CDH13: variants seen among roughly 807,000 people sequenced by gnomAD.
CDH13 encodes the protein cadherin-13.
A neutral mutation model predicts 63.8 loss-of-function variants in CDH13; 24 were observed. The ratio of observed to expected loss-of-function variants is 0.38; its 90% CI spans 0.27 to 0.53. The LOEUF (loss-of-function observed/expected upper bound fraction) is 0.53, where lower values mean the gene tolerates loss of function less well. Among genes scored for constraint, CDH13 ranks in the 20% least tolerant of loss-of-function variants. The probability of loss-of-function intolerance (pLI) is 0.85; values close to 1 mark genes in which losing one functional copy is unlikely to be tolerated. For synonymous variants in CDH13, 503 were observed against 355.3 expected, an observed-to-expected ratio of 1.42 and a Z score of -4.67; for missense variants, 1,049 against 903.1, an observed-to-expected ratio of 1.16 and a Z score of -2.07.
intron 6 of CDH13, among the ~76,000 whole-genome samples, chr16:83,384,989 C>G (rs75889614): frequency 6.6e-6 from 1 of 152,138 alleles, no homozygotes; most frequent in East Asian, 1.9e-4. Flanking sequence ...CTCTCCTGGC[C>G]CTCTTTCAAA....
At chr16:83,776,581 T>TA (rs1285249984) in intron 11 of CDH13, among the ~76,000 whole-genome samples, 1 of 152,228 alleles carries the variant, frequency 6.6e-6, no homozygotes, top group Non-Finnish European at 1.5e-5. Flanking sequence ...CCAGCCCCGC[T>TA]AAAGAGTATC....
intron 6 of CDH13, among the ~76,000 whole-genome samples, chr16:83,427,680 C>T (rs1433155403): frequency 1.3e-5 from 2 of 152,126 alleles, no homozygotes; most frequent in African/African-American, 4.8e-5. Context: ...CTTGTGCCTT[C>T]AGGATTCTCC....
chr16:83,010,263 C>G (rs1390436460), intron 2 of CDH13, among the ~76,000 whole-genome samples: 1 of 151,660 alleles, frequency 6.6e-6, no homozygotes, highest in Non-Finnish European at 1.5e-5. Context: ...AATCCTTGGT[C>G]CACGCCAATC....
In CDH13 at chr16:83,356,746, A is replaced by C. The variant is rs139346362; in HGVS notation, c.781+11740A>C. 6.6e-3 allele frequency among the ~76,000 whole-genome samples: 1,000 copies of C among 152,298 alleles called. 10 individuals are homozygous for C. The highest frequency in any genetic ancestry group is 0.023 in the African/African-American group (958 of 41,558). ...AGTTCAATGGGAAGAGGGTATATAA[A>C]ATCCCTTTCAAGTATATGTCTTATA... is the stretch of plus-strand genomic sequence containing the variant. On this transcript the variant is annotated intron_variant, in intron 6 of 13. Transcript: ENST00000567109.
chr16:83,747,848 G>A (rs1335361336), intron 10 of CDH13, among the ~76,000 whole-genome samples: 3 of 151,376 alleles, frequency 2.0e-5, no homozygotes, highest in Non-Finnish European at 4.4e-5. Flanking sequence ...GTGAGAGCTT[G>A]GCAGATGGCA....
chr16:82,969,350 G>A lies in CDH13; in HGVS notation c.158-62660G>A, dbSNP rs906317415. On this transcript the variant is annotated intron_variant, in intron 2 of 13. Transcript: ENST00000567109. Reference sequence around the variant, plus strand: ...TAGAACTTTATTCATATAAATAGACGTGGGGCTGAATTTTACCCTAGGGCT... The same window carrying A: ...TAGAACTTTATTCATATAAATAGACATGGGGCTGAATTTTACCCTAGGGCT... 5.3e-5 allele frequency among the ~76,000 whole-genome samples: 8 copies of A among 152,082 alleles called. 1 individual carries two copies. The highest frequency in any genetic ancestry group is 3.3e-4 in the Admixed American group (5 of 15,296).
chr16:83,284,060 T>C (rs2089249448), intron 5 of CDH13, among the ~76,000 whole-genome samples: 1 of 152,222 alleles, frequency 6.6e-6, no homozygotes, highest in Non-Finnish European at 1.5e-5. Flanking sequence ...CAAGCCCCTG[T>C]AGTCTGTGTG....
At chr16:83,495,634 C>T (rs1417204657) in intron 7 of CDH13, among the ~76,000 whole-genome samples, 1 of 152,104 alleles carries the variant, frequency 6.6e-6, no homozygotes, top group Non-Finnish European at 1.5e-5. Flanking sequence ...GGCAAAGAAA[C>T]ATATTTGGGG....
At chr16:82,833,355 G>T (rs2047939128) in intron 1 of CDH13, among the ~76,000 whole-genome samples, 1 of 152,164 alleles carries the variant, frequency 6.6e-6, no homozygotes, top group Non-Finnish European at 1.5e-5. Flanking sequence ...CAGCTCTTAT[G>T]GAAAAGAAAG....
intron 1 of CDH13, among the ~76,000 whole-genome samples, chr16:82,751,689 C>G (rs1485973705): frequency 7.1e-6 from 1 of 140,366 alleles, no homozygotes; most frequent in African/African-American, 2.8e-5. Flanking sequence ...GAGAGAAAGA[C>G]CATGGAAAAC....
At chr16:83,483,922 T>A (rs1304017858) in intron 6 of CDH13, among the ~76,000 whole-genome samples, 1 of 152,230 alleles carries the variant, frequency 6.6e-6, no homozygotes, top group African/African-American at 2.4e-5. Flanking sequence ...CTGTTCCTGC[T>A]GTCTTCCAGA....
intron 2 of CDH13, among the ~76,000 whole-genome samples, chr16:82,976,816 G>A (rs56261630): frequency 0.041 from 6,295 of 152,264 alleles, 140 homozygotes; most frequent in Admixed American, 0.052. Context: ...CAGCTAGCTA[G>A]CCAGGTGGTA....
chr16:83,030,807 C>T (rs1203674350), intron 2 of CDH13, among the ~76,000 whole-genome samples: 1 of 151,908 alleles, frequency 6.6e-6, no homozygotes, highest in African/African-American at 2.4e-5. Flanking sequence ...TGGCTTTTCC[C>T]AACTTGTTTC....
At chr16:83,021,081 C>T (rs1445186409) in intron 2 of CDH13, among the ~76,000 whole-genome samples, 3 of 152,202 alleles carry the variant, frequency 2.0e-5, no homozygotes, top group African/African-American at 7.2e-5. Context: ...GAAGGGATCT[C>T]TGTAAATCCG....
At chr16:83,312,421 G>C (rs1275151005) in intron 5 of CDH13, among the ~76,000 whole-genome samples, 1 of 152,170 alleles carries the variant, frequency 6.6e-6, no homozygotes, top group Non-Finnish European at 1.5e-5. Context: ...CAGTTCTGGG[G>C]ATCCCAGCGA....
chr16:83,079,048 G>C (rs1200842495), intron 3 of CDH13, among the ~76,000 whole-genome samples: 1 of 152,170 alleles, frequency 6.6e-6, no homozygotes, highest in African/African-American at 2.4e-5. Flanking sequence ...GCCTACCTCA[G>C]CCTACGAAAG....
At chr16:83,651,425 T>C (rs1316807572) in intron 8 of CDH13, among the ~76,000 whole-genome samples, 3 of 152,092 alleles carry the variant, frequency 2.0e-5, no homozygotes, top group Non-Finnish European at 4.4e-5. Context: ...ATCATAATCC[T>C]GTAAGGGTAG....
At chr16:83,573,530 G>A (rs558423412) in intron 7 of CDH13, among the ~76,000 whole-genome samples, 11 of 152,198 alleles carry the variant, frequency 7.2e-5, no homozygotes, top group Admixed American at 1.3e-4. Context: ...AATCAATGGC[G>A]GCACCTTTGC....
chr16:82,962,717 T>A (rs1907208231), intron 2 of CDH13, among the ~76,000 whole-genome samples: 1 of 152,234 alleles, frequency 6.6e-6, no homozygotes, highest in Non-Finnish European at 1.5e-5. Flanking sequence ...ACATTTCATT[T>A]CTGAAAACTG....
Sources: gnomAD v4.1 joint callset for allele counts (sites outside exome capture counted in the v4.1 genomes callset) on GRCh38, gnomAD v4.1.1 for gene constraint, MANE v1.5 for transcripts, NCBI Gene and HGNC (gene_info 2026-07-23, HGNC 2026-07-21) for gene names.